Variants in DPP10 observed in about 807,000 individuals in gnomAD.
DPP10 encodes the protein inactive dipeptidyl peptidase 10.
DPP10 carries 33 observed loss-of-function variants against 120.9 expected under a neutral mutation model. The observed-to-expected ratio is 0.27, with a 90% CI of 0.21 to 0.37. The LOEUF is 0.37. DPP10 is among the 10% of genes least tolerant of loss of function. The pLI, the probability that DPP10 is intolerant of heterozygous loss-of-function variation, is 1.00. For synonymous variants in DPP10, 337 were observed against 326.1 expected, an observed-to-expected ratio of 1.03 and a Z score of -0.36; for missense variants, 816 against 942.8, an observed-to-expected ratio of 0.87 and a Z score of 1.76.
At chr2:115,104,745 T>C (rs1009921773) in intron 1 of DPP10, among the ~76,000 whole-genome samples, 5 of 152,194 alleles carry the variant, frequency 3.3e-5, no homozygotes, top group African/African-American at 9.7e-5. Context: ...CGGTGGCTCA[T>C]GCCTATAATC....
intron 1 of DPP10, among the ~76,000 whole-genome samples, chr2:114,599,422 T>C (rs552582300): frequency 6.6e-6 from 1 of 151,972 alleles, no homozygotes; most frequent in South Asian, 2.1e-4. Context: ...AACTACTGTT[T>C]ATTTCTATAA....
chr2:114,510,051 G>A (rs537102931), intron 1 of DPP10, among the ~76,000 whole-genome samples: 1 of 152,166 alleles, frequency 6.6e-6, no homozygotes, highest in Non-Finnish European at 1.5e-5. Flanking sequence ...CAGAAAAGGA[G>A]AAAGCTGGCT....
chr2:114,737,349 G>A (rs548575162), intron 1 of DPP10, among the ~76,000 whole-genome samples: 6 of 152,282 alleles, frequency 3.9e-5, no homozygotes, highest in East Asian at 1.9e-4. Context: ...TCCTCCATCA[G>A]TCTGGTCCCA....
At chr2:114,599,731 CACATGCCCA>C (rs1335359783) in intron 1 of DPP10, among the ~76,000 whole-genome samples, 4 of 151,712 alleles carry the variant, frequency 2.6e-5, no homozygotes, top group Non-Finnish European at 5.9e-5. Flanking sequence ...AAGAAATCAT[CACATGCCCA>C]AGCCATGTAG....
At chr2:114,447,422 T>C (rs1015325565) in intron 1 of DPP10, among the ~76,000 whole-genome samples, 33 of 152,154 alleles carry the variant, frequency 2.2e-4, no homozygotes, top group African/African-American at 7.5e-4. Context: ...ATATAAATTA[T>C]ATCCACAAAA....
intron 1 of DPP10, among the ~76,000 whole-genome samples, chr2:114,974,618 A>C (rs1257554422): frequency 6.6e-6 from 1 of 151,990 alleles, no homozygotes; most frequent in Admixed American, 6.6e-5. Flanking sequence ...TATGTTGGCC[A>C]GGGTGATCTT....
chr2:114,997,326 G>GAA (rs11458569), intron 1 of DPP10, among the ~76,000 whole-genome samples: 53,774 of 135,626 alleles, frequency 0.4, 10,915 homozygotes, highest in South Asian at 0.54. Flanking sequence ...CGTCTCTACT[G>GAA]AAAAAAAAAA....
intron 1 of DPP10, among the ~76,000 whole-genome samples, chr2:115,153,153 T>C (rs2051675618): frequency 6.6e-6 from 1 of 152,218 alleles, no homozygotes; most frequent in Non-Finnish European, 1.5e-5. Flanking sequence ...AGAGTAATAA[T>C]GCTTGTCCTT....
In DPP10 at chr2:114,748,369, T is replaced by TA. The variant is rs1558699006; in HGVS notation, c.60+305532dup. 7.2e-4 allele frequency among the ~76,000 whole-genome samples: 93 copies of TA among 129,216 alleles called. 2 individuals are homozygous for TA. The highest frequency in any genetic ancestry group is 2.6e-3 in the African/African-American group (86 of 33,214). 84.8% of individuals were successfully genotyped at this position (129,216 alleles called of 152,430 possible). Reference sequence around the variant, plus strand: ...TTTTTTTATTTTTTTTTATTTTATTTATTTATTTATTTATTTATTTATTTA... The same window carrying TA: ...TTTTTTTATTTTTTTTTATTTTATTTAATTTATTTATTTATTTATTTATTTA... On this transcript the variant is annotated intron_variant, in intron 1 of 25. Coordinates refer to ENST00000410059, the MANE Select transcript of DPP10 (RefSeq NM_020868.6).
intron 1 of DPP10, among the ~76,000 whole-genome samples, chr2:115,159,242 A>G (rs1290081914): frequency 6.6e-6 from 1 of 152,136 alleles, no homozygotes; most frequent in East Asian, 1.9e-4. Flanking sequence ...GCGGATAACT[A>G]GGTCAGGAGA....
At chr2:114,965,446 A>G (rs1237064570) in intron 1 of DPP10, among the ~76,000 whole-genome samples, 1 of 152,088 alleles carries the variant, frequency 6.6e-6, no homozygotes, top group East Asian at 1.9e-4. Flanking sequence ...AGTTTGGGAC[A>G]TTTTAACTTA....
intron 5 of DPP10, among the ~76,000 whole-genome samples, chr2:115,578,830 C>A (rs763856902): frequency 8.5e-5 from 13 of 152,108 alleles, no homozygotes; most frequent in Non-Finnish European, 1.5e-4. Flanking sequence ...ATCAAGGCTG[C>A]TAATAACTAA....
chr2:115,679,166 G>A (rs2090480872), intron 5 of DPP10, among the ~76,000 whole-genome samples: 1 of 151,730 alleles, frequency 6.6e-6, no homozygotes, highest in Admixed American at 6.5e-5. Context: ...GGGCATGATT[G>A]TGTTTTAAAA....
intron 1 of DPP10, among the ~76,000 whole-genome samples, chr2:114,638,220 T>A (rs1487603177): frequency 1.3e-5 from 2 of 151,836 alleles, no homozygotes; most frequent in Non-Finnish European, 2.9e-5. Flanking sequence ...TATTCTTAGG[T>A]ATGTCCATTT....
intron 1 of DPP10, among the ~76,000 whole-genome samples, chr2:114,613,904 T>C (rs539749914): frequency 1.3e-5 from 2 of 152,036 alleles, no homozygotes; most frequent in African/African-American, 4.8e-5. Context: ...CACTCATAAG[T>C]GGGAGTAGAA....
intron 12 of DPP10, among the ~76,000 whole-genome samples, chr2:115,766,326 G>A (rs5833630): frequency 0.16 from 7,822 of 49,252 alleles, 551 homozygotes; most frequent in South Asian, 0.21. Flanking sequence ...ATATATATAT[G>A]TATATATATA....
rs559475793 is a variant in DPP10 at position 114,709,219 on chromosome 2, C to T, written c.60+266381C>T. On this transcript the variant is annotated intron_variant, in intron 1 of 25. Coordinates refer to ENST00000410059, the MANE Select transcript of DPP10 (RefSeq NM_020868.6). The stretch of plus-strand genomic sequence containing the variant: ...ACAGGAGGAGCCTGGGTACTTTCTT[C>T]CCCTCTCTGAGTCTTAGGTGGCAGC... Among the ~76,000 whole-genome samples, 4 of 152,312 alleles carry T rather than the reference C, an allele frequency of 2.6e-5. No individual in the cohort carries two copies. The East Asian group carries it at 7.7e-4, about 29-fold the overall frequency.
At chr2:115,489,928 G>A (rs1047732785) in intron 3 of DPP10, among the ~76,000 whole-genome samples, 11 of 152,160 alleles carry the variant, frequency 7.2e-5, no homozygotes, top group African/African-American at 2.6e-4. Context: ...CATAAAAAGA[G>A]CCTTGGCCTT....
intron 1 of DPP10, among the ~76,000 whole-genome samples, chr2:114,703,346 G>A (rs563699709): frequency 1.3e-5 from 2 of 152,240 alleles, no homozygotes; most frequent in African/African-American, 4.8e-5. Context: ...TTGTAAATAG[G>A]CTAGCAGAGC....
Sources: gnomAD v4.1 joint callset for allele counts (sites outside exome capture counted in the v4.1 genomes callset) on GRCh38, gnomAD v4.1.1 for gene constraint, MANE v1.5 for transcripts, NCBI Gene and HGNC (gene_info 2026-07-23, HGNC 2026-07-21) for gene names.